Variants in HEPHL1 observed in about 807,000 individuals in gnomAD.
HEPHL1 encodes the protein hephaestin like 1.
In HEPHL1, 123 loss-of-function variants were observed where a neutral mutation model predicts 122.0. The ratio of observed to expected loss-of-function variants is 1.01; its 90% confidence interval spans 0.87 to 1.17. The LOEUF (loss-of-function observed/expected upper bound fraction) is 1.17, where lower values mean the gene tolerates loss of function less well. Among genes scored for constraint, HEPHL1 ranks in the 50% most tolerant of loss-of-function variants. The pLI is 0.00. For synonymous variants in HEPHL1, 527 were observed against 508.9 expected (o/e 1.04, Z -0.48); for missense variants, 1,452 against 1,430.5 (o/e 1.01, Z -0.24).
chr11:94,067,795 A>G (rs777091237), intron 5 of HEPHL1, 45 bp downstream of exon 5: 4 of 1,583,188 alleles, frequency 2.5e-6, no homozygotes, highest in Admixed American at 3.4e-5. Context: ...GAATGGTACA[A>G]TCAAACCACA....
chr11:94,095,470 C>G (rs545718131), intron 13 of HEPHL1, among the ~76,000 whole-genome samples: 3 of 152,148 alleles, frequency 2.0e-5, no homozygotes, highest in Non-Finnish European at 2.9e-5. Flanking sequence ...ATTGACTTGG[C>G]AATGTGGGCT....
chr11:94,080,733 A>G (rs1946164136), intron 9 of HEPHL1, among the ~76,000 whole-genome samples: 1 of 152,248 alleles, frequency 6.6e-6, no homozygotes, highest in Non-Finnish European at 1.5e-5. Flanking sequence ...AATGAAAACC[A>G]CAATGAGATA....
At chr11:94,059,251 A>G (rs1945964135) in intron 2 of HEPHL1, among the ~76,000 whole-genome samples, 1 of 152,196 alleles carries the variant, frequency 6.6e-6, no homozygotes, top group Non-Finnish European at 1.5e-5. Context: ...GCATTTAACA[A>G]TTGTGCAATA....
At position 94,093,971 on chromosome 11, in the gene HEPHL1, G is replaced by GATATATATATATATATATATATAT. The variant is rs201036709; in HGVS notation, c.2434+351_2434+374dup. ...AAATTTTCTTTTAAATCCTCCAGCA[G>GATATATATATATATATATATATAT]ATATATATATATATATATATATATA... On this transcript the variant is annotated intron_variant, in intron 13 of 19. Coordinates refer to ENST00000315765, the MANE Select transcript of HEPHL1 (RefSeq NM_001098672.2). Among the ~76,000 whole-genome samples, 81 of 72,658 alleles carry GATATATATATATATATATATATAT rather than the reference G, an allele frequency of 1.1e-3. 1 individual carries two copies. Among genetic ancestry groups the GATATATATATATATATATATATAT allele is most frequent in the South Asian group, 2.5e-3 (4 of 1,626 alleles). 47.7% of individuals were successfully genotyped at this position (72,658 alleles called of 152,430 possible).
chr11:94,112,792 G>A lies in HEPHL1; in HGVS notation c.*898G>A, dbSNP rs1040809011. ...GGGAGGGAAGCTTTGCAGGAGGCAAGTCTGGGCTTGAATTTGGAGTCTGAT... is the reference window on the plus strand; with the variant it reads ...GGGAGGGAAGCTTTGCAGGAGGCAAATCTGGGCTTGAATTTGGAGTCTGAT... On this transcript the variant is annotated 3_prime_UTR_variant, in exon 20 of 20. Coordinates refer to ENST00000315765, the MANE Select transcript of HEPHL1 (RefSeq NM_001098672.2). 2.0e-5 allele frequency: 3 copies of A among 152,290 alleles called. No individual in the cohort carries two copies. Among genetic ancestry groups the A allele is most frequent in the Admixed American group, 1.3e-4 (2 of 15,282 alleles). The allele number at this position is 152,290 out of a possible 1,614,324, so 9.4% of individuals were successfully genotyped here. A position where few individuals can be genotyped will look rare whatever the true frequency, so the allele number is the denominator to read the frequency against.
At chr11:94,035,641 G>A (rs1017252040) in intron 1 of HEPHL1, among the ~76,000 whole-genome samples, 1 of 152,202 alleles carries the variant, frequency 6.6e-6, no homozygotes, top group South Asian at 2.1e-4. Flanking sequence ...TTCTTAAAGG[G>A]GTCATGCGGG....
intron 13 of HEPHL1, among the ~76,000 whole-genome samples, chr11:94,097,755 C>G (rs1161062251): frequency 6.6e-6 from 1 of 152,136 alleles, no homozygotes; most frequent in Non-Finnish European, 1.5e-5. Flanking sequence ...TGAATTGATC[C>G]CTTTACCAGT....
At chr11:94,094,934 A>G (rs894328370) in intron 13 of HEPHL1, among the ~76,000 whole-genome samples, 25 of 152,166 alleles carry the variant, frequency 1.6e-4, no homozygotes, top group African/African-American at 5.6e-4. Context: ...ATATTCTACC[A>G]TTCTGTAGAT....
At chr11:94,037,803 C>A (rs886110435) in intron 1 of HEPHL1, among the ~76,000 whole-genome samples, 2 of 151,766 alleles carry the variant, frequency 1.3e-5, no homozygotes, top group Admixed American at 6.5e-5. Flanking sequence ...AACTCTAAAA[C>A]GCAGAGCGCC....
Position 94,075,332 on chromosome 11 carries a change from G to C in HEPHL1, c.1663G>C (p.Val555Leu). Residue 555 changes from valine to leucine, a missense_variant, in exon 9 of 20, where the codon GTA becomes CTA. Transcript: ENST00000315765. ...DPIKDTSSGL[V>L]GPLLVCKKGV... is the part of the protein sequence containing the mutation. ...AATTAAGGACACCAGCTCTGGCCTGGTAGGGCCTTTGCTAGTCTGTAAAAA... is the reference window on the plus strand; with the variant it reads ...AATTAAGGACACCAGCTCTGGCCTGCTAGGGCCTTTGCTAGTCTGTAAAAA... 6.2e-7 allele frequency: 1 copy of C among 1,613,474 alleles called. No individual in the cohort carries two copies. The highest frequency in any genetic ancestry group is 8.5e-7 in the Non-Finnish European group (1 of 1,179,628).
chr11:94,064,254 G>T, intron 3 of HEPHL1, 77 bp from the exon 4 acceptor site: 1 of 1,124,648 alleles, frequency 8.9e-7, no homozygotes, highest in Admixed American at 2.2e-5. Flanking sequence ...CTTCACACTT[G>T]CCTGACACTA....
chr11:94,093,672 G>A (rs760448420), intron 13 of HEPHL1, 32 bp downstream of exon 13: 1 of 1,601,038 alleles, frequency 6.2e-7, no homozygotes, highest in Non-Finnish European at 8.5e-7. Flanking sequence ...TGCACTGTCA[G>A]CCCCAAGCAT....
chr11:94,090,171 A>G (rs762291504), intron 12 of HEPHL1, among the ~76,000 whole-genome samples: 1 of 151,998 alleles, frequency 6.6e-6, no homozygotes, highest in South Asian at 2.1e-4. Context: ...TTACTCACTA[A>G]CCTATTTGTT....
chr11:94,067,771 A>G (rs1946046153), intron 5 of HEPHL1, 21 bp downstream of exon 5: 1 of 1,611,380 alleles, frequency 6.2e-7, no homozygotes, highest in African/African-American at 1.3e-5. Context: ...TAAAGACCAG[A>G]GTTGATATGT....
chr11:94,039,262 A>T (rs1052329584), intron 1 of HEPHL1, among the ~76,000 whole-genome samples: 2 of 147,702 alleles, frequency 1.4e-5, no homozygotes, highest in African/African-American at 5.0e-5. Context: ...ACTCCCACAC[A>T]TTAATAATGG....
Position 94,073,459 on chromosome 11 carries a change from T to G in HEPHL1, c.1504+20T>G. On this transcript the variant is annotated intron_variant, in intron 8 of 19. Transcript: ENST00000315765. Reference sequence around the variant, plus strand: ...TAGATGGTAAGTCTCACTCTGGGCTTAGGGAGGAAACAGGACGGGTGAGCA... The same window carrying G: ...TAGATGGTAAGTCTCACTCTGGGCTGAGGGAGGAAACAGGACGGGTGAGCA... The G allele has an allele frequency of 6.4e-7, 1 of 1,551,372 alleles. No individual in the cohort carries two copies. Among genetic ancestry groups the G allele is most frequent in the Non-Finnish European group, 8.7e-7 (1 of 1,146,510 alleles).
intron 12 of HEPHL1, among the ~76,000 whole-genome samples, chr11:94,092,205 T>C (rs942011775): frequency 6.6e-6 from 1 of 152,200 alleles, no homozygotes; most frequent in African/African-American, 2.4e-5. Flanking sequence ...ATTTTAGAGA[T>C]AAAATTAAAA....
chr11:94,110,985 G>A lies in HEPHL1; in HGVS notation c.3128G>A (p.Gly1043Glu), dbSNP rs1354597135. 6.2e-6 allele frequency: 10 copies of A among 1,611,826 alleles called. No homozygotes were observed. Among genetic ancestry groups the A allele is most frequent in the Non-Finnish European group, 8.5e-6 (10 of 1,178,920 alleles). ...ATTGAACTGTTTGCAGATCACCCAG[G>A]GACATGGCTGCTACACTGTCATGTG... Reference protein sequence around the residue: ...QTIELFADHPGTWLLHCHVSD... With the variant: ...QTIELFADHPETWLLHCHVSD... The change falls in exon 18 of 20, where the codon GGG (glycine) becomes GAG (glutamate). Residue 1043 changes from glycine (G) to glutamate (E), a missense_variant. By Grantham distance (98) the Gly-to-Glu change is moderately conservative. Coordinates refer to ENST00000315765, the MANE Select transcript of HEPHL1 (RefSeq NM_001098672.2).
At chr11:94,048,117 G>T in intron 2 of HEPHL1, among the ~76,000 whole-genome samples, 1 of 151,928 alleles carries the variant, frequency 6.6e-6, no homozygotes. Context: ...ATTTCACTTA[G>T]CATAATATTT....
Sources: gnomAD v4.1 joint callset for allele counts (sites outside exome capture counted in the v4.1 genomes callset) on GRCh38, gnomAD v4.1.1 for gene constraint, MANE v1.5 for transcripts, NCBI Gene and HGNC (gene_info 2026-07-23, HGNC 2026-07-21) for gene names.